DOCK2: variants seen among roughly 807,000 people sequenced by gnomAD.
The protein encoded by DOCK2 is dedicator of cytokinesis 2, also known as dedicator of cytokinesis protein 2.
In DOCK2, 87 loss-of-function variants were observed where a neutral mutation model predicts 248.9. The observed-to-expected ratio is 0.35, with a 90% CI of 0.29 to 0.42. The LOEUF (loss-of-function observed/expected upper bound fraction) is 0.42, where lower values mean the gene tolerates loss of function less well. Ranked by LOEUF, DOCK2 falls within the 10% of genes least tolerant of loss-of-function variation. The pLI is 1.00. For synonymous variants in DOCK2, 805 were observed against 821.6 expected, an observed-to-expected ratio of 0.98 and a Z score of 0.35; for missense variants, 1,747 against 2,300.2, an observed-to-expected ratio of 0.76 and a Z score of 4.92.
chr5:169,970,098 C>T (rs969984571), intron 27 of DOCK2, among the ~76,000 whole-genome samples: 1 of 152,124 alleles, frequency 6.6e-6, no homozygotes, highest in African/African-American at 2.4e-5. Flanking sequence ...CCCTGAGGCC[C>T]CTTAAAGGCA....
chr5:169,714,258 G>T (rs753681461), intron 18 of DOCK2, 47 bp downstream of exon 18: 2 of 1,600,318 alleles, frequency 1.2e-6, no homozygotes, highest in Non-Finnish European at 8.5e-7. Context: ...GTGTGTGTCC[G>T]TGTGTGTGTA....
chr5:169,877,358 G>T (rs936279536), intron 27 of DOCK2, among the ~76,000 whole-genome samples: 2 of 152,184 alleles, frequency 1.3e-5, no homozygotes, highest in Non-Finnish European at 2.9e-5. Context: ...TGTCAAAAAG[G>T]TCAATTCACG....
At chr5:169,804,552 A>G (rs1767229594) in intron 26 of DOCK2, among the ~76,000 whole-genome samples, 1 of 151,672 alleles carries the variant, frequency 6.6e-6, no homozygotes, top group Non-Finnish European at 1.5e-5. Flanking sequence ...AGCTTCAGCT[A>G]GTGTTCAGTG....
At chr5:169,696,182 C>G (rs751855858) in intron 10 of DOCK2, among the ~76,000 whole-genome samples, 1 of 152,106 alleles carries the variant, frequency 6.6e-6, no homozygotes, top group Non-Finnish European at 1.5e-5. Context: ...ATCGGGAGAC[C>G]GGGGCCGTCT....
At chr5:169,662,778 C>T (rs1218801842) in intron 2 of DOCK2, among the ~76,000 whole-genome samples, 1 of 152,286 alleles carries the variant, frequency 6.6e-6, no homozygotes, top group East Asian at 1.9e-4. Flanking sequence ...CCACCAGGTC[C>T]CTCCCCTGAC....
At chr5:169,840,078 A>C (rs2113330145) in intron 26 of DOCK2, among the ~76,000 whole-genome samples, 1 of 152,264 alleles carries the variant, frequency 6.6e-6, no homozygotes, top group African/African-American at 2.4e-5. Flanking sequence ...AAAAAGGTTT[A>C]ATTGGTTCCT....
chr5:169,944,414 C>A (rs1338032383), intron 27 of DOCK2, among the ~76,000 whole-genome samples: 1 of 152,194 alleles, frequency 6.6e-6, no homozygotes, highest in Admixed American at 6.5e-5. Context: ...TGGCCTTCTC[C>A]AGCCCCAGTT....
At chr5:169,779,035 G>T (rs949765548) in intron 25 of DOCK2, among the ~76,000 whole-genome samples, 2 of 152,214 alleles carry the variant, frequency 1.3e-5, no homozygotes, top group African/African-American at 4.8e-5. Flanking sequence ...CCACGTGTGG[G>T]TGGGGACAGG....
At chr5:170,082,628 G>C (rs1017366039) in intron 51 of DOCK2, among the ~76,000 whole-genome samples, 168 bp from the exon 52 acceptor site, 2 of 152,170 alleles carry the variant, frequency 1.3e-5, no homozygotes, top group African/African-American at 4.8e-5. Flanking sequence ...TCACTCTACT[G>C]TCTACCACTG....
At chr5:170,066,339 G>C (rs1561906149) in intron 44 of DOCK2, among the ~76,000 whole-genome samples, 1 of 152,168 alleles carries the variant, frequency 6.6e-6, no homozygotes, top group African/African-American at 2.4e-5. Flanking sequence ...AAAGGGGTCA[G>C]TTCATCAAGA....
At chr5:169,885,928 T>G (rs1772944478) in intron 27 of DOCK2, among the ~76,000 whole-genome samples, 1 of 152,168 alleles carries the variant, frequency 6.6e-6, no homozygotes. Flanking sequence ...AATTGAAGCT[T>G]AGAGAGGGTA....
intron 27 of DOCK2, among the ~76,000 whole-genome samples, chr5:169,876,294 C>A (rs1249008396): frequency 6.6e-6 from 1 of 152,222 alleles, no homozygotes; most frequent in African/African-American, 2.4e-5. Context: ...TGCAGAGGGT[C>A]TGTAGGATGT....
At chr5:169,679,995 A>G (rs1759569070) in intron 6 of DOCK2, among the ~76,000 whole-genome samples, 1 of 152,152 alleles carries the variant, frequency 6.6e-6, no homozygotes, top group African/African-American at 2.4e-5. Flanking sequence ...TTGTATGGAC[A>G]ACTGAGGCTC....
chr5:169,868,384 C>T (rs953929572), intron 27 of DOCK2, among the ~76,000 whole-genome samples: 2 of 152,242 alleles, frequency 1.3e-5, no homozygotes, highest in African/African-American at 4.8e-5. Flanking sequence ...TGAAGTGTCT[C>T]TGACTTCATA....
intron 33 of DOCK2, among the ~76,000 whole-genome samples, chr5:170,019,497 G>A (rs1041384270): frequency 2.0e-5 from 3 of 152,050 alleles, no homozygotes; most frequent in Admixed American, 2.0e-4. Context: ...ACATTATCTA[G>A]AAAACGCCGG....
chr5:169,851,693 A>G (rs1255280381), intron 27 of DOCK2, among the ~76,000 whole-genome samples: 2 of 152,338 alleles, frequency 1.3e-5, no homozygotes, highest in African/African-American at 2.4e-5. Context: ...ACAGTTTCTC[A>G]TGGCTGGGGA....
intron 44 of DOCK2, among the ~76,000 whole-genome samples, chr5:170,058,538 G>A (rs1452162920): frequency 1.3e-5 from 2 of 152,140 alleles, no homozygotes; most frequent in East Asian, 3.9e-4. Context: ...AGGCCTGGAG[G>A]AAATGAGGAA....
intron 27 of DOCK2, among the ~76,000 whole-genome samples, chr5:169,960,644 C>T (rs1777045490): frequency 6.6e-6 from 1 of 152,178 alleles, no homozygotes; most frequent in Admixed American, 6.5e-5. Flanking sequence ...CATTAGTCAC[C>T]TGTACTTGTG....
At chr5:170,049,758 C>T (rs140638587) in intron 40 of DOCK2, among the ~76,000 whole-genome samples, 1 of 152,334 alleles carries the variant, frequency 6.6e-6, no homozygotes, top group East Asian at 1.9e-4. Flanking sequence ...GGGACAACAT[C>T]ACCTTTAGTT....
Sources: allele counts gnomAD v4.1 joint callset (sites outside exome capture counted in the v4.1 genomes callset), GRCh38; gene constraint gnomAD v4.1.1; transcripts MANE v1.5; gene names NCBI Gene and HGNC (gene_info 2026-07-23, HGNC 2026-07-21).